The following ERG variants were observed in gnomAD, a reference collection of about 807,000 sequenced individuals.
ERG encodes the protein transcriptional regulator ERG.
A neutral mutation model predicts 55.3 loss-of-function variants in ERG; 9 were observed. That is an observed-to-expected ratio of 0.16 (90% confidence interval 0.10 to 0.28). ERG has a LOEUF of 0.28. Among genes scored for constraint, ERG ranks in the 10% least tolerant of loss-of-function variants. The pLI, the probability that ERG is intolerant of heterozygous loss-of-function variation, is 1.00. For synonymous variants in ERG, 223 were observed against 237.3 expected (o/e 0.94, Z 0.55); for missense variants, 434 against 631.6 (o/e 0.69, Z 3.35).
At chr21:38,427,228 C>T (rs549787332) in intron 2 of ERG, among the ~76,000 whole-genome samples, 2 of 152,126 alleles carry the variant, frequency 1.3e-5, no homozygotes, top group African/African-American at 4.8e-5. Context: ...GCGCCTGCCA[C>T]CACGCCTGGC....
At chr21:38,368,122 C>G in the ERG span, among the ~76,000 whole-genome samples, 1 of 152,158 alleles carries the variant, frequency 6.6e-6, no homozygotes, top group Non-Finnish European at 1.5e-5. Flanking sequence ...AGAATTAGAA[C>G]ATTGCCAGGC....
chr21:38,598,582 A>G (rs1216730637), intron 1 of ERG, among the ~76,000 whole-genome samples: 1 of 152,250 alleles, frequency 6.6e-6, no homozygotes, highest in African/African-American at 2.4e-5. Context: ...CACACAGAGC[A>G]CAGCAGCGGT....
intron 1 of ERG, among the ~76,000 whole-genome samples, chr21:38,607,764 T>C (rs2146923161): frequency 2.0e-5 from 3 of 152,290 alleles, no homozygotes; most frequent in African/African-American, 7.2e-5. Flanking sequence ...AAAGAGATAA[T>C]AGTAATGATT....
intron 1 of ERG, among the ~76,000 whole-genome samples, chr21:38,659,336 T>C (rs1447013737): frequency 1.3e-5 from 2 of 152,254 alleles, no homozygotes; most frequent in African/African-American, 2.4e-5. Context: ...ATTTGACACA[T>C]GGTGAATTAA....
chr21:38,604,090 TA>T (rs369603620), intron 1 of ERG, among the ~76,000 whole-genome samples: 32,069 of 143,718 alleles, frequency 0.22, 3,510 homozygotes, highest in East Asian at 0.39. Flanking sequence ...CTACTAAAAA[TA>T]AAAAAAAAAA....
In ERG at chr21:38,528,717, G is replaced by A. The variant is rs1376727092; in HGVS notation, c.-41+46945C>T. ...CCCGCCTCGGCCTCCCAAAGTGCTG[G>A]GATTACAGGCGTGAGCCACCGCGCC... On this transcript the variant is annotated intron_variant, in intron 2 of 8. Transcript: ENST00000398897. Among the ~76,000 whole-genome samples, 5 of 39,944 alleles carry A rather than the reference G, an allele frequency of 1.3e-4. 2 individuals are homozygous for A. Among genetic ancestry groups the A allele is most frequent in the East Asian group, 3.2e-4 (1 of 3,126 alleles). 26.2% of individuals were successfully genotyped at this position (39,944 alleles called of 152,430 possible).
intron 1 of ERG, among the ~76,000 whole-genome samples, chr21:38,623,925 G>C (rs961565667): frequency 2.6e-5 from 4 of 152,136 alleles, no homozygotes. Flanking sequence ...TTCCTCCCAA[G>C]CTAATGTTTT....
chr21:38,416,293 G>A (rs561357532), intron 3 of ERG, among the ~76,000 whole-genome samples: 22 of 152,356 alleles, frequency 1.4e-4, no homozygotes, highest in Admixed American at 1.0e-3. Context: ...GCAGGAAGAC[G>A]GTCGATGGTC....
downstream of ERG, among the ~76,000 whole-genome samples, chr21:38,376,723 T>C (rs994065686): frequency 7.9e-5 from 12 of 152,358 alleles, no homozygotes; most frequent in Admixed American, 6.5e-4. Context: ...CGCTGTATGG[T>C]GGGTCTCTTC....
intron 2 of ERG, among the ~76,000 whole-genome samples, chr21:38,538,483 G>A (rs1011558916): frequency 2.6e-5 from 4 of 152,096 alleles, no homozygotes; most frequent in Non-Finnish European, 5.9e-5. Flanking sequence ...AGTGACCTAC[G>A]GAGTAATGGG....
At position 38,527,099 on chromosome 21, in the gene ERG, C is replaced by G. The variant is rs375044743; in HGVS notation, c.-41+48563G>C. Reference sequence around the variant, plus strand: ...TACTGAGCACCATAATGAGTGAAGTCTCTGAGATGACCTCTCTGACCTCTC... The same window carrying G: ...TACTGAGCACCATAATGAGTGAAGTGTCTGAGATGACCTCTCTGACCTCTC... On this transcript the variant is annotated intron_variant, in intron 2 of 8. Coordinates refer to the ERG transcript ENST00000398897. 1.8e-4 allele frequency among the ~76,000 whole-genome samples: 28 copies of G among 152,308 alleles called. 1 individual carries two copies. The highest frequency in any genetic ancestry group is 6.3e-4 in the African/African-American group (26 of 41,556).
intron 2 of ERG, among the ~76,000 whole-genome samples, chr21:38,440,051 G>A (rs903288689): frequency 1.2e-4 from 18 of 152,214 alleles, no homozygotes; most frequent in Admixed American, 3.9e-4. Flanking sequence ...ATAGTCAGGG[G>A]CCACAAAGGT....
the ERG span, among the ~76,000 whole-genome samples, chr21:38,371,819 G>A: frequency 1.3e-5 from 2 of 151,736 alleles, no homozygotes; most frequent in African/African-American, 2.4e-5. Context: ...GCCTTTTTTT[G>A]TACTGTTATT....
At chr21:38,551,073 G>C (rs947624075) in intron 2 of ERG, among the ~76,000 whole-genome samples, 1 of 151,960 alleles carries the variant, frequency 6.6e-6, no homozygotes, top group Non-Finnish European at 1.5e-5. Context: ...CAATCTTGGG[G>C]TGTTGTATGT....
At chr21:38,486,452 C>G (rs2059286706) in intron 1 of ERG, among the ~76,000 whole-genome samples, 1 of 152,154 alleles carries the variant, frequency 6.6e-6, no homozygotes, top group Non-Finnish European at 1.5e-5. Flanking sequence ...ATGAAATCAT[C>G]TAACAACTCA....
intron 1 of ERG, among the ~76,000 whole-genome samples, chr21:38,455,404 G>A (rs78027576): frequency 0.015 from 2,298 of 152,186 alleles, 71 homozygotes; most frequent in African/African-American, 0.052. Flanking sequence ...CAAGCTCAAG[G>A]AGTAGCAAAG....
At chr21:38,453,592 C>A (rs189712060) in intron 1 of ERG, among the ~76,000 whole-genome samples, 16 of 152,142 alleles carry the variant, frequency 1.1e-4, no homozygotes, top group African/African-American at 2.9e-4. Context: ...TTTAAAGAAT[C>A]GCTTTTTTGG....
At chr21:38,516,670 C>T (rs186716211) in intron 2 of ERG, among the ~76,000 whole-genome samples, 5 of 152,022 alleles carry the variant, frequency 3.3e-5, no homozygotes, top group Admixed American at 6.5e-5. Context: ...GAACCCTGAA[C>T]AAAAACAACA....
At chr21:38,379,200 G>A (rs1987321971), downstream of ERG, among the ~76,000 whole-genome samples, 1 of 152,196 alleles carries the variant, frequency 6.6e-6, no homozygotes, top group Admixed American at 6.5e-5. Context: ...TGTCATCTCA[G>A]CCCCATGGCA....
Sources: gnomAD v4.1 joint callset for allele counts (sites outside exome capture counted in the v4.1 genomes callset) on GRCh38, gnomAD v4.1.1 for gene constraint, MANE v1.5 for transcripts, NCBI Gene and HGNC (gene_info 2026-07-23, HGNC 2026-07-21) for gene names.